The following KCNIP1 variants were observed in gnomAD, a reference collection of about 807,000 sequenced individuals.
The protein encoded by KCNIP1 is A-type potassium channel modulatory protein KCNIP1.
A neutral mutation model predicts 33.0 loss-of-function variants in KCNIP1; 18 were observed. That is an observed-to-expected ratio of 0.55 (90% CI 0.38 to 0.81). The LOEUF is 0.81. Among genes scored for constraint, KCNIP1 ranks in the 30% least tolerant of loss-of-function variants. KCNIP1 has a pLI of 0.00. For missense variants in KCNIP1, 238 were observed against 271.6 expected (o/e 0.88, Z 0.87); for synonymous variants, 93 against 98.3 (o/e 0.95, Z 0.32).
At chr5:170,564,920 G>A (rs931831742) in intron 1 of KCNIP1, among the ~76,000 whole-genome samples, 4 of 151,888 alleles carry the variant, frequency 2.6e-5, no homozygotes, top group African/African-American at 9.7e-5. Flanking sequence ...CAGTGAGACT[G>A]AGAGATTTGT....
chr5:170,508,242 A>G (rs902218687), intron 1 of KCNIP1, among the ~76,000 whole-genome samples: 3 of 152,248 alleles, frequency 2.0e-5, no homozygotes, highest in Non-Finnish European at 4.4e-5. Flanking sequence ...TCGGATCTCC[A>G]GAATAGTCAT....
chr5:170,691,404 T>C (rs1257058234), intron 1 of KCNIP1, among the ~76,000 whole-genome samples: 1 of 152,232 alleles, frequency 6.6e-6, no homozygotes, highest in Non-Finnish European at 1.5e-5. Context: ...TCTGGTATCA[T>C]TCTGGTCAAA....
chr5:170,403,724 G>C lies in KCNIP1; in HGVS notation c.88+49760G>C, dbSNP rs182926900. Among the ~76,000 whole-genome samples the C allele has an allele frequency of 7.9e-5, 12 of 152,310 alleles. No homozygotes were observed. The East Asian group carries it at 2.3e-3, about 29-fold the overall frequency. On this transcript the variant is annotated intron_variant, in intron 1 of 7. Coordinates refer to the KCNIP1 transcript ENST00000377360. ...TAGCTCAGGCCCTAATGCATAGCAG[G>C]TGCCCAAGAAATGAATGCAGAAGCC...
At chr5:170,366,813 C>A (rs2113298297) in intron 1 of KCNIP1, among the ~76,000 whole-genome samples, 1 of 152,338 alleles carries the variant, frequency 6.6e-6, no homozygotes, top group Non-Finnish European at 1.5e-5. Flanking sequence ...CTCTTCATTG[C>A]CACACAGCCG....
rs1250892238 is a variant in KCNIP1, at chr5:170,713,844, A to C, written c.62-4914A>C. ...TGAGACCAGCCTGGCTAACGTGGTG[A>C]AAACCCGTTTCTACTAAAAATAAAA... On this transcript the variant is annotated intron_variant, in intron 1 of 7. Transcript: ENST00000328939. 2.6e-5 allele frequency among the ~76,000 whole-genome samples: 4 copies of C among 152,158 alleles called. No individual in the cohort carries two copies. In the East Asian group the frequency reaches 7.7e-4, roughly 29 times the overall value.
At chr5:170,539,333 C>T (rs1397111421) in intron 1 of KCNIP1, among the ~76,000 whole-genome samples, 1 of 152,176 alleles carries the variant, frequency 6.6e-6, no homozygotes, top group Non-Finnish European at 1.5e-5. Flanking sequence ...GAAATCCACA[C>T]TCCCAACCAC....
intron 1 of KCNIP1, among the ~76,000 whole-genome samples, chr5:170,687,131 T>G (rs973069053): frequency 1.1e-4 from 16 of 152,132 alleles, no homozygotes; most frequent in Non-Finnish European, 2.2e-4. Flanking sequence ...AAAATCCGGT[T>G]TCTCCTTAGG....
At chr5:170,626,925 G>A (rs575234615) in intron 1 of KCNIP1, among the ~76,000 whole-genome samples, 67 of 152,270 alleles carry the variant, frequency 4.4e-4, no homozygotes, top group African/African-American at 1.6e-3. Flanking sequence ...AGGCTCTCTT[G>A]CGGCTGAGCT....
Position 170,676,877 on chromosome 5 carries a change from T to A in KCNIP1, c.62-41881T>A, listed in dbSNP as rs543141278. On this transcript the variant is annotated intron_variant, in intron 1 of 7. Transcript: ENST00000328939. The stretch of plus-strand genomic sequence containing the variant: ...TGACTGCTAGAGGCCAATACTCAAG[T>A]GAAGTTTAAGCAAAAACAAATCATA... Among the ~76,000 whole-genome samples the A allele has an allele frequency of 1.2e-4, 18 of 152,272 alleles. No homozygotes were observed. In the East Asian group the frequency reaches 3.5e-3, roughly 29 times the overall value.
intron 1 of KCNIP1, among the ~76,000 whole-genome samples, chr5:170,535,486 C>T (rs560222989): frequency 2.0e-5 from 3 of 152,238 alleles, no homozygotes; most frequent in African/African-American, 7.2e-5. Context: ...TCTAGGTGTG[C>T]AGTGAGCTCC....
chr5:170,682,601 C>A (rs575325068), intron 1 of KCNIP1, among the ~76,000 whole-genome samples: 1 of 152,050 alleles, frequency 6.6e-6, no homozygotes, highest in African/African-American at 2.4e-5. Context: ...TGCTCCAGCC[C>A]TTGGTCCCTT....
chr5:170,498,809 C>T (rs1353845337), intron 1 of KCNIP1, among the ~76,000 whole-genome samples: 1 of 152,196 alleles, frequency 6.6e-6, no homozygotes, highest in Non-Finnish European at 1.5e-5. Context: ...TTACCCCATT[C>T]TCACAACAAT....
chr5:170,430,780 C>T (rs2113445928), intron 1 of KCNIP1, among the ~76,000 whole-genome samples: 1 of 152,296 alleles, frequency 6.6e-6, no homozygotes, highest in South Asian at 2.1e-4. Context: ...ACAGAGGTGA[C>T]CCACGAATGG....
In KCNIP1 at chr5:170,504,067, G is replaced by T. The variant is rs1021862907; in HGVS notation, c.-506G>T. The T allele has an allele frequency of 1.0e-6, 1 of 985,516 alleles. No homozygotes were observed. The highest frequency in any genetic ancestry group is 1.2e-6 in the Non-Finnish European group (1 of 830,022). The allele number at this position is 985,516 out of a possible 1,614,324, so 61.0% of individuals were successfully genotyped here. On this transcript the variant is annotated 5_prime_UTR_variant, in exon 1 of 8. Coordinates refer to ENST00000328939, the MANE Select transcript of KCNIP1 (RefSeq NM_014592.4). This position sits in a 1 kb window ranked among gnomAD's most constrained non-coding sequence, Gnocchi z 6.0. The stretch of plus-strand genomic sequence containing the variant: ...AGCAGGCAGCAGGCAGCAGGCGGGC[G>T]CGCTGTGGCTCCGCGCCGCGCGGTC...
intron 1 of KCNIP1, among the ~76,000 whole-genome samples, chr5:170,368,714 T>C (rs1459915216): frequency 6.6e-6 from 1 of 152,264 alleles, no homozygotes; most frequent in East Asian, 1.9e-4. Context: ...CTGCTTTCAC[T>C]GGCATATCAC....
At chr5:170,647,405 T>C (rs1760829307) in intron 1 of KCNIP1, among the ~76,000 whole-genome samples, 1 of 152,032 alleles carries the variant, frequency 6.6e-6, no homozygotes, top group Admixed American at 6.5e-5. Flanking sequence ...AAAGACACTG[T>C]GGTATGGGTG....
chr5:170,492,953 C>T (rs551560697), intron 1 of KCNIP1, among the ~76,000 whole-genome samples: 3 of 152,210 alleles, frequency 2.0e-5, no homozygotes, highest in East Asian at 1.9e-4. Flanking sequence ...TTTCACCATG[C>T]TGGCCAGGAT....
intron 7 of KCNIP1, among the ~76,000 whole-genome samples, chr5:170,735,425 T>C (rs1205355496): frequency 2.0e-5 from 3 of 152,254 alleles, no homozygotes; most frequent in African/African-American, 7.2e-5. Context: ...TAACATTCAA[T>C]AATTGGTCAG....
At chr5:170,448,112 T>C (rs1365321590) in intron 1 of KCNIP1, among the ~76,000 whole-genome samples, 1 of 152,120 alleles carries the variant, frequency 6.6e-6, no homozygotes, top group African/African-American at 2.4e-5. Flanking sequence ...GTGAGCTGCA[T>C]GAGGACAGAA....
Sources: allele counts gnomAD v4.1 joint callset (sites outside exome capture counted in the v4.1 genomes callset), GRCh38; gene constraint gnomAD v4.1.1; non-coding constraint Gnocchi (gnomAD v3.1); transcripts MANE v1.5; gene names NCBI Gene and HGNC (gene_info 2026-07-23, HGNC 2026-07-21).